Variants in INTS4 observed in about 807,000 individuals in gnomAD.
INTS4 encodes integrator complex subunit 4, also known as MSTP093.
In INTS4, 70 loss-of-function variants were observed where a neutral mutation model predicts 119.5. The observed-to-expected ratio is 0.59, with a 90% CI of 0.48 to 0.71. The LOEUF is 0.71. INTS4 is among the 30% of genes least tolerant of loss of function. The pLI is 0.00. For missense variants in INTS4, 867 were observed against 1,173.2 expected (o/e 0.74, Z 3.81); for synonymous variants, 316 against 419.6 (o/e 0.75, Z 3.02).
intron 8 of INTS4, among the ~76,000 whole-genome samples, chr11:77,955,143 C>A (rs1954287294): frequency 6.6e-6 from 1 of 151,978 alleles, no homozygotes; most frequent in South Asian, 2.1e-4. Context: ...AATTCAAGAC[C>A]AGCCTGGGCA....
chr11:77,879,537 T>G (rs926145974), intron 22 of INTS4, among the ~76,000 whole-genome samples: 7 of 152,224 alleles, frequency 4.6e-5, no homozygotes, highest in African/African-American at 1.7e-4. Flanking sequence ...CAGGGCTGCA[T>G]GTACCACAGA....
intron 15 of INTS4, 60 bp downstream of exon 15, chr11:77,918,761 G>C (rs1307059050): frequency 4.4e-6 from 7 of 1,579,270 alleles, no homozygotes; most frequent in Non-Finnish European, 6.0e-6. Context: ...CCAGAATTCA[G>C]AACAGTCAAG....
intron 4 of INTS4, among the ~76,000 whole-genome samples, chr11:77,974,267 G>A (rs1351130498): frequency 8.5e-6 from 1 of 117,318 alleles, no homozygotes; most frequent in East Asian, 2.7e-4. Flanking sequence ...TTTTGAGATG[G>A]AGTCTTGCTC....
intron 1 of INTS4, among the ~76,000 whole-genome samples, chr11:77,992,891 A>T (rs1856755672): frequency 6.6e-6 from 1 of 152,230 alleles, no homozygotes; most frequent in African/African-American, 2.4e-5. Flanking sequence ...GCGGAGAAAA[A>T]AGAACAGAAG....
chr11:77,919,277 T>TA (rs1202355548), intron 14 of INTS4, among the ~76,000 whole-genome samples: 1 of 139,910 alleles, frequency 7.1e-6, no homozygotes, highest in African/African-American at 2.7e-5. Context: ...GGAAGGAGAC[T>TA]AAAAATTGAA....
Position 77,994,603 on chromosome 11 carries a change from G to T in INTS4, c.41C>A (p.Thr14Lys). Residue 14 changes from threonine (T) to lysine (K), a missense_variant, in exon 1 of 23, where the codon ACG becomes AAG. Coordinates refer to ENST00000534064, the MANE Select transcript of INTS4 (RefSeq NM_033547.4). ...GCCAGAGCTTACCTGAACCACTTTCGTGAATTCCTCATAAACCCGCTTCTT... is the reference window on the plus strand; with the variant it reads ...GCCAGAGCTTACCTGAACCACTTTCTTGAATTCCTCATAAACCCGCTTCTT... ...HLKKRVYEEF[T>K]KVVQPQEEIA... The T allele has an allele frequency of 6.2e-7, 1 of 1,613,704 alleles. No individual in the cohort carries two copies. Among genetic ancestry groups the T allele is most frequent in the Non-Finnish European group, 8.5e-7 (1 of 1,179,592 alleles).
At chr11:77,940,011 C>A in intron 9 of INTS4, among the ~76,000 whole-genome samples, 1 of 151,994 alleles carries the variant, frequency 6.6e-6, no homozygotes, top group Admixed American at 6.6e-5. Context: ...TCTATAATAC[C>A]ACTTTTATAA....
intron 8 of INTS4, among the ~76,000 whole-genome samples, chr11:77,947,681 AACT>A (rs2136543539): frequency 6.6e-6 from 1 of 152,336 alleles, no homozygotes; most frequent in African/African-American, 2.4e-5. Context: ...AATGGTCAAA[AACT>A]ACAACAGCTA....
intron 4 of INTS4, among the ~76,000 whole-genome samples, chr11:77,966,681 T>C (rs754164765): frequency 1.7e-4 from 26 of 152,218 alleles, no homozygotes; most frequent in Non-Finnish European, 3.7e-4. Context: ...TTGTTTTGAC[T>C]ACAAATGCTT....
chr11:77,938,486 A>G (rs947967605), intron 10 of INTS4, among the ~76,000 whole-genome samples, 165 bp downstream of exon 10: 20 of 152,200 alleles, frequency 1.3e-4, no homozygotes, highest in Admixed American at 5.2e-4. Flanking sequence ...GTCTCATACT[A>G]CTGGGGCCTC....
intron 14 of INTS4, among the ~76,000 whole-genome samples, chr11:77,920,542 A>C (rs992353646): frequency 5.9e-5 from 9 of 152,136 alleles, no homozygotes; most frequent in African/African-American, 2.2e-4. Context: ...AATCATAGCT[A>C]TATGTAATAG....
chr11:77,940,806 TTTG>T (rs1439800583), intron 9 of INTS4, among the ~76,000 whole-genome samples: 1 of 152,060 alleles, frequency 6.6e-6, no homozygotes, highest in African/African-American at 2.4e-5. Context: ...CTAGCTAATT[TTTG>T]TTGTTTAGTT....
chr11:77,875,924 G>A (rs1440393510), downstream of INTS4, among the ~76,000 whole-genome samples: 1 of 152,154 alleles, frequency 6.6e-6, no homozygotes, highest in African/African-American at 2.4e-5. Context: ...CAGGGAGTAT[G>A]AGGCTGGAAA....
chr11:77,979,995 G>A (rs1442016387), intron 3 of INTS4, among the ~76,000 whole-genome samples: 28 of 99,842 alleles, frequency 2.8e-4, no homozygotes, highest in East Asian at 5.1e-4. Flanking sequence ...AAAAAAAAAA[G>A]AAGAAACAGA....
At chr11:77,934,267 G>T (rs1221171250) in intron 10 of INTS4, among the ~76,000 whole-genome samples, 1 of 151,920 alleles carries the variant, frequency 6.6e-6, no homozygotes, top group Non-Finnish European at 1.5e-5. Context: ...AGGCCACAGG[G>T]TCCTCTGCCT....
rs1438321943 is a variant in INTS4, at chr11:77,891,229, C to T, written c.2592+90G>A. ...TTTCTTCTCCTGTCCCAGTTTCTGT[C>T]CCTCAAGTAGAGACTACAGGGGTGC... On this transcript the variant is annotated intron_variant, in intron 21 of 22. Coordinates refer to ENST00000534064, the MANE Select transcript of INTS4 (RefSeq NM_033547.4). 4.0e-6 allele frequency: 5 copies of T among 1,235,488 alleles called. No individual in the cohort carries two copies. In the South Asian group the frequency reaches 4.5e-5, roughly 11 times the overall value. 76.5% of individuals were successfully genotyped at this position (1,235,488 alleles called of 1,614,324 possible). A position where few individuals can be genotyped will look rare whatever the true frequency, so the allele number is the denominator to read the frequency against.
intron 11 of INTS4, 56 bp downstream of exon 11, chr11:77,928,286 T>G: frequency 1.3e-6 from 2 of 1,585,918 alleles, no homozygotes; most frequent in Non-Finnish European, 1.7e-6. Flanking sequence ...CAATACCTGA[T>G]TTTAACAGGG....
intron 1 of INTS4, among the ~76,000 whole-genome samples, chr11:77,992,495 G>A (rs918267297): frequency 6.6e-6 from 1 of 152,160 alleles, no homozygotes; most frequent in Non-Finnish European, 1.5e-5. Context: ...GAGCCCAGGA[G>A]TTCGAGACCA....
intron 21 of INTS4, among the ~76,000 whole-genome samples, chr11:77,884,188 G>A (rs866335535): frequency 6.6e-6 from 1 of 152,098 alleles, no homozygotes; most frequent in African/African-American, 2.4e-5. Flanking sequence ...TGAACAGAGT[G>A]TCTCTATTAA....
Sources: gnomAD v4.1 joint callset for allele counts (sites outside exome capture counted in the v4.1 genomes callset) on GRCh38, gnomAD v4.1.1 for gene constraint, MANE v1.5 for transcripts, NCBI Gene and HGNC (gene_info 2026-07-23, HGNC 2026-07-21) for gene names.